PCSK5: variants seen among roughly 807,000 people sequenced by gnomAD.
PCSK5 encodes prohormone convertase 5.
Under a neutral mutation model 233.2 loss-of-function variants are expected in PCSK5, and 129 were observed. The ratio of observed to expected loss-of-function variants is 0.55; its 90% confidence interval spans 0.48 to 0.64. The LOEUF is 0.64. PCSK5 is among the 30% of genes least tolerant of loss of function. The pLI, the probability that PCSK5 is intolerant of heterozygous loss-of-function variation, is 0.00. For synonymous variants in PCSK5, 825 were observed against 879.2 expected (o/e 0.94, Z 1.09); for missense variants, 2,076 against 2,430.1 (o/e 0.85, Z 3.06).
At chr9:75,892,385 C>G in intron 1 of PCSK5, among the ~76,000 whole-genome samples, 1 of 152,206 alleles carries the variant, frequency 6.6e-6, no homozygotes, top group African/African-American at 2.4e-5. Context: ...AAAGTGGGTC[C>G]CAGAAAGTAC....
chr9:76,151,027 T>C (rs1823652519), intron 10 of PCSK5, among the ~76,000 whole-genome samples: 1 of 151,410 alleles, frequency 6.6e-6, no homozygotes, highest in Non-Finnish European at 1.5e-5. Context: ...AAAAAAACTA[T>C]ACTTAGGTGT....
chr9:76,060,343 A>C (rs540180404), intron 5 of PCSK5, among the ~76,000 whole-genome samples: 1 of 152,364 alleles, frequency 6.6e-6, no homozygotes, highest in Admixed American at 6.5e-5. Flanking sequence ...CTTACAATTA[A>C]GCTAGAGAAA....
chr9:76,315,642 C>T (rs2495212), intron 30 of PCSK5, among the ~76,000 whole-genome samples: 10,182 of 114,654 alleles, frequency 0.089, 514 homozygotes, highest in Non-Finnish European at 0.11. Flanking sequence ...GAGAAGACTA[C>T]TTTTTTTTTT....
chr9:76,138,112 A>G (rs1413845473), intron 10 of PCSK5, among the ~76,000 whole-genome samples: 1 of 152,080 alleles, frequency 6.6e-6, no homozygotes, highest in Non-Finnish European at 1.5e-5. Flanking sequence ...AACCCAACAC[A>G]TGTTGAAGTG....
intron 24 of PCSK5, among the ~76,000 whole-genome samples, chr9:76,256,907 C>G (rs1403850324): frequency 6.6e-6 from 1 of 152,220 alleles, no homozygotes; most frequent in East Asian, 1.9e-4. Context: ...AGGAAAGCAT[C>G]ACATAAATTG....
At chr9:75,953,045 A>G (rs1824936843) in intron 2 of PCSK5, among the ~76,000 whole-genome samples, 1 of 152,174 alleles carries the variant, frequency 6.6e-6, no homozygotes, top group Non-Finnish European at 1.5e-5. Context: ...CTGGTTGACA[A>G]TATATATTAC....
At chr9:76,337,957 G>T (rs1301472319) in intron 34 of PCSK5, among the ~76,000 whole-genome samples, 2 of 152,168 alleles carry the variant, frequency 1.3e-5, no homozygotes, top group African/African-American at 4.8e-5. Context: ...CGATGGAGGT[G>T]CTACTAGGTG....
chr9:76,104,730 G>T lies in PCSK5; in HGVS notation c.1108-2521G>T, dbSNP rs1339230. Among the ~76,000 whole-genome samples the T allele has an allele frequency of 2.6e-5, 4 of 151,974 alleles. No individual in the cohort carries two copies. In the East Asian group the frequency reaches 7.7e-4, roughly 29 times the overall value. ...TCTGTGCATTGAAAATGTCTGGTGC[G>T]GCTGAAGAATAAGCAAGGAGAGCCA... On this transcript the variant is annotated intron_variant, in intron 8 of 37. Transcript: ENST00000674117.
intron 2 of PCSK5, among the ~76,000 whole-genome samples, chr9:75,974,686 G>A (rs1399725922): frequency 6.6e-6 from 1 of 152,190 alleles, no homozygotes; most frequent in Middle Eastern, 3.2e-3. Flanking sequence ...CACCAAGTCA[G>A]AGACCTTCCC....
chr9:76,213,472 T>C (rs1435583984), intron 20 of PCSK5, among the ~76,000 whole-genome samples: 1 of 152,160 alleles, frequency 6.6e-6, no homozygotes, highest in East Asian at 1.9e-4. Context: ...CCCTGAGATC[T>C]GATGGCTCAA....
At chr9:76,168,308 C>T (rs1427514927) in intron 12 of PCSK5, among the ~76,000 whole-genome samples, 2 of 152,030 alleles carry the variant, frequency 1.3e-5, no homozygotes, top group Non-Finnish European at 2.9e-5. Flanking sequence ...ACCACCATAC[C>T]CGGCTAATTT....
rs1223721563 is a variant in PCSK5 at position 76,350,837 on chromosome 9, C to T, written c.4976C>T (p.Ala1659Val). The stretch of plus-strand genomic sequence containing the variant: ...ATGTTTTCTCTTTCAGGAAAAGGAG[C>T]GTTGAATTGTTTATCCTGTGTGTGG... The part of the protein sequence containing the change: ...PTCDQCKGKG[A>V]LNCLSCVWSY... Residue 1659 changes from alanine to valine, a missense_variant, in exon 36 of 38, where the codon GCG (alanine) becomes GTG (valine). This residue lies in a region of PCSK5 where 1,510 missense variants were observed against 1,538.1 expected (regional missense o/e 0.98). Transcript: ENST00000674117. The T allele has an allele frequency of 3.8e-6, 6 of 1,588,204 alleles. No homozygotes were observed. In the African/African-American group the frequency reaches 4.0e-5, roughly 11 times the overall value.
rs1262065596 is a variant in PCSK5 at position 76,180,075 on chromosome 9, ATG to A, written c.2003+389_2003+390del. Among the ~76,000 whole-genome samples the A allele has an allele frequency of 1.4e-4, 18 of 126,490 alleles. No homozygotes were observed. The South Asian group carries it at 3.5e-3, about 25-fold the overall frequency. The allele number at this position is 126,490 out of a possible 152,430, so 83.0% of individuals were successfully genotyped here. On this transcript the variant is annotated intron_variant, in intron 15 of 37. Coordinates refer to ENST00000674117, the MANE Select transcript of PCSK5 (RefSeq NM_001372043.1). The stretch of plus-strand genomic sequence containing the variant: ...TGCATAACATGATGTTTATATATAT[ATG>A]TGTGTGTGTGTATATATATATATAT...
intron 24 of PCSK5, among the ~76,000 whole-genome samples, chr9:76,280,187 T>G (rs1411979447): frequency 6.6e-6 from 1 of 152,176 alleles, no homozygotes; most frequent in Non-Finnish European, 1.5e-5. Context: ...TCAATTATAA[T>G]TGTTTTGGGG....
At chr9:76,145,111 C>T (rs1293732366) in intron 10 of PCSK5, among the ~76,000 whole-genome samples, 3 of 152,078 alleles carry the variant, frequency 2.0e-5, no homozygotes, top group Non-Finnish European at 2.9e-5. Flanking sequence ...AGCGACAGAG[C>T]AAGACTCCAT....
chr9:76,351,536 G>GAAA lies in PCSK5; in HGVS notation c.5067+608_5067+609insAAA, dbSNP rs762909921. 2.2e-5 allele frequency among the ~76,000 whole-genome samples: 2 copies of GAAA among 91,358 alleles called. 1 individual carries two copies. The highest frequency in any genetic ancestry group is 2.3e-4 in the Admixed American group (2 of 8,546). 59.9% of individuals were successfully genotyped at this position (91,358 alleles called of 152,430 possible). A position where few individuals can be genotyped will look rare whatever the true frequency, so the allele number is the denominator to read the frequency against. The stretch of plus-strand genomic sequence containing the variant: ...AGAAAGAAAGAAAGAAAGAAAGGAA[G>GAAA]GAAAGAAAGAGAAAGAAGAGAGAGA... On this transcript the variant is annotated intron_variant, in intron 36 of 37. Coordinates refer to ENST00000674117, the MANE Select transcript of PCSK5 (RefSeq NM_001372043.1).
intron 7 of PCSK5, among the ~76,000 whole-genome samples, chr9:76,076,088 T>C (rs2131611010): frequency 6.6e-6 from 1 of 152,270 alleles, no homozygotes; most frequent in South Asian, 2.1e-4. Flanking sequence ...AGGTGATATT[T>C]GAACAGAGAC....
chr9:75,926,161 C>T (rs1823479102), intron 1 of PCSK5, among the ~76,000 whole-genome samples: 1 of 152,126 alleles, frequency 6.6e-6, no homozygotes, highest in African/African-American at 2.4e-5. Context: ...ATTTCCCAAT[C>T]GCTAAGTCAC....
At chr9:76,293,606 C>T (rs1048966881) in intron 25 of PCSK5, among the ~76,000 whole-genome samples, 4 of 152,222 alleles carry the variant, frequency 2.6e-5, no homozygotes, top group Non-Finnish European at 1.5e-5. Flanking sequence ...CACACCACCA[C>T]GCCCAGCTAG....
Sources: gnomAD v4.1 joint callset for allele counts (sites outside exome capture counted in the v4.1 genomes callset) on GRCh38, gnomAD v4.1.1 for gene constraint, gnomAD v4.1.1 regional missense constraint, MANE v1.5 for transcripts, NCBI Gene and HGNC (gene_info 2026-07-23, HGNC 2026-07-21) for gene names.